The following CNTN3 variants were observed in gnomAD, a reference collection of about 807,000 sequenced individuals.
CNTN3 encodes contactin 3.
A neutral mutation model predicts 119.1 loss-of-function variants in CNTN3; 60 were observed. That is an observed-to-expected ratio of 0.50 (90% confidence interval 0.41 to 0.62). CNTN3 has a LOEUF of 0.62. CNTN3 is among the 20% of genes least tolerant of loss of function. CNTN3 has a pLI of 0.00. For synonymous variants in CNTN3, 450 were observed against 438.7 expected (o/e 1.03, Z -0.32); for missense variants, 1,101 against 1,242.4 (o/e 0.89, Z 1.71).
intron 19 of CNTN3, among the ~76,000 whole-genome samples, chr3:74,292,814 C>T (rs1702259076): frequency 6.6e-6 from 1 of 152,182 alleles, no homozygotes; most frequent in South Asian, 2.1e-4. Context: ...TGTGCTCCTT[C>T]CAGCCCCTAT....
At chr3:74,277,313 A>G (rs891199851) in intron 20 of CNTN3, among the ~76,000 whole-genome samples, 1 of 152,130 alleles carries the variant, frequency 6.6e-6, no homozygotes, top group African/African-American at 2.4e-5. Flanking sequence ...AGACATAACC[A>G]AACAAGAAAA....
chr3:74,513,898 T>C (rs1703409643), intron 2 of CNTN3, among the ~76,000 whole-genome samples: 2 of 151,890 alleles, frequency 1.3e-5, no homozygotes, highest in African/African-American at 4.8e-5. Context: ...ACTTCCTTAG[T>C]TGCCAAGCAG....
intron 11 of CNTN3, among the ~76,000 whole-genome samples, chr3:74,352,425 C>T (rs969854873): frequency 2.6e-5 from 4 of 152,202 alleles, no homozygotes; most frequent in African/African-American, 9.6e-5. Flanking sequence ...CTCAGCCAGT[C>T]CTAGTTTACA....
chr3:74,374,287 T>C (rs1301188739), intron 5 of CNTN3, among the ~76,000 whole-genome samples: 1 of 152,006 alleles, frequency 6.6e-6, no homozygotes, highest in Non-Finnish European at 1.5e-5. Context: ...TTTCCAGTTT[T>C]TTTTTTTTAA....
intron 11 of CNTN3, among the ~76,000 whole-genome samples, chr3:74,340,213 T>C (rs1328346615): frequency 6.6e-6 from 1 of 151,792 alleles, no homozygotes; most frequent in Non-Finnish European, 1.5e-5. Flanking sequence ...TCCATGGGGG[T>C]CTGGTGGATA....
At chr3:74,307,449 T>C (rs862823) in intron 13 of CNTN3, among the ~76,000 whole-genome samples, 55,780 of 151,962 alleles carry the variant, frequency 0.37, 11,817 homozygotes, top group East Asian at 0.72. Flanking sequence ...GTAAATGGAT[T>C]TGTAAGCCAA....
At chr3:74,520,050 T>C (rs1703516877) in intron 2 of CNTN3, among the ~76,000 whole-genome samples, 1 of 151,612 alleles carries the variant, frequency 6.6e-6, no homozygotes, top group Admixed American at 6.6e-5. Context: ...CCATTTGGCC[T>C]CATTCCGCAC....
At chr3:74,430,758 A>G (rs1701770280) in intron 4 of CNTN3, among the ~76,000 whole-genome samples, 1 of 152,142 alleles carries the variant, frequency 6.6e-6, no homozygotes, top group South Asian at 2.1e-4. Context: ...TAAAATTAGA[A>G]CTAAATACAC....
intron 1 of CNTN3, among the ~76,000 whole-genome samples, 119 bp downstream of exon 1, chr3:74,614,272 T>C (rs936103324): frequency 2.6e-5 from 4 of 152,118 alleles, no homozygotes; most frequent in Non-Finnish European, 5.9e-5. Flanking sequence ...TCAGGTGCAT[T>C]TCCCTGCAAA....
intron 4 of CNTN3, among the ~76,000 whole-genome samples, chr3:74,437,017 C>A (rs1217198662): frequency 6.6e-5 from 10 of 152,116 alleles, no homozygotes; most frequent in African/African-American, 2.4e-4. Context: ...TATCTATATA[C>A]CTTTTAAAAA....
intron 3 of CNTN3, among the ~76,000 whole-genome samples, chr3:74,491,335 C>A (rs1229750826): frequency 2.0e-5 from 3 of 149,502 alleles, no homozygotes; most frequent in Non-Finnish European, 4.4e-5. Context: ...ACCATCTTTA[C>A]AAAAAAAAAA....
At chr3:74,524,472 C>T (rs1235587122) in intron 1 of CNTN3, among the ~76,000 whole-genome samples, 3 of 151,736 alleles carry the variant, frequency 2.0e-5, no homozygotes, top group Non-Finnish European at 4.4e-5. Flanking sequence ...GAGAACAGTC[C>T]TCATCAGGAA....
chr3:74,460,834 CT>C (rs534972163), intron 4 of CNTN3, among the ~76,000 whole-genome samples: 1,380 of 72,686 alleles, frequency 0.019, 22 homozygotes, highest in African/African-American at 0.063. Flanking sequence ...TCATTTCTTT[CT>C]TTTTTTTTTG....
Position 74,366,780 on chromosome 3 carries a change from G to GTGTGTATATATA in CNTN3, c.947-1079_947-1078insTATATATACACA, listed in dbSNP as rs1447686332. Among the ~76,000 whole-genome samples the GTGTGTATATATA allele has an allele frequency of 2.0e-3, 128 of 63,700 alleles. 1 individual carries two copies. Among genetic ancestry groups the GTGTGTATATATA allele is most frequent in the African/African-American group, 7.2e-3 (85 of 11,758 alleles). 41.8% of individuals were successfully genotyped at this position (63,700 alleles called of 152,430 possible). On this transcript the variant is annotated intron_variant, in intron 8 of 22. Transcript: ENST00000263665. ...TGTGCGTGTGTGTGTGTGTGTGTGT[G>GTGTGTATATATA]TATATATATATATATATATATATAT...
At chr3:74,419,691 C>G (rs902873289) in intron 5 of CNTN3, among the ~76,000 whole-genome samples, 4 of 152,176 alleles carry the variant, frequency 2.6e-5, no homozygotes, top group Non-Finnish European at 4.4e-5. Context: ...TGATTAAACA[C>G]TGGGACAGAC....
At chr3:74,501,462 T>C (rs987448381) in intron 2 of CNTN3, among the ~76,000 whole-genome samples, 1 of 152,070 alleles carries the variant, frequency 6.6e-6, no homozygotes, top group Non-Finnish European at 1.5e-5. Context: ...CTCTGCCCCA[T>C]GTGTGTCTTC....
intron 1 of CNTN3, among the ~76,000 whole-genome samples, chr3:74,583,716 T>C (rs138003340): frequency 6.6e-6 from 1 of 152,326 alleles, no homozygotes; most frequent in Non-Finnish European, 1.5e-5. Flanking sequence ...TGCATTAGGT[T>C]GTGTATTAAT....
chr3:74,331,132 C>T (rs1703254675), intron 13 of CNTN3, among the ~76,000 whole-genome samples: 1 of 152,206 alleles, frequency 6.6e-6, no homozygotes, highest in Non-Finnish European at 1.5e-5. Flanking sequence ...TTCACCTTCA[C>T]TCACCACTCA....
intron 5 of CNTN3, among the ~76,000 whole-genome samples, chr3:74,378,281 T>C (rs751547327): frequency 6.6e-6 from 1 of 152,192 alleles, no homozygotes; most frequent in Non-Finnish European, 1.5e-5. Context: ...ACATAGTCAA[T>C]GGTTAGGATT....
Sources: gnomAD v4.1 joint callset for allele counts (sites outside exome capture counted in the v4.1 genomes callset) on GRCh38, gnomAD v4.1.1 for gene constraint, MANE v1.5 for transcripts, NCBI Gene and HGNC (gene_info 2026-07-23, HGNC 2026-07-21) for gene names.